Variants in PCDHA5 observed in about 807,000 individuals in gnomAD.
PCDHA5 encodes protocadherin alpha 5.
A neutral mutation model predicts 61.6 loss-of-function variants in PCDHA5; 43 were observed. That is an observed-to-expected ratio of 0.70 (90% CI 0.55 to 0.90). The LOEUF (loss-of-function observed/expected upper bound fraction) is 0.90. PCDHA5 is among the 40% of genes least tolerant of loss of function. The probability of loss-of-function intolerance (pLI) is 0.00; values close to 1 mark genes in which losing one functional copy is unlikely to be tolerated. For missense variants in PCDHA5, 1,298 were observed against 1,222.7 expected, an observed-to-expected ratio of 1.06 and a Z score of -0.92; for synonymous variants, 627 against 543.9, an observed-to-expected ratio of 1.15 and a Z score of -2.13.
At chr5:140,878,693 C>A (rs932928385) in intron 1 of PCDHA5, among the ~76,000 whole-genome samples, 6 of 152,254 alleles carry the variant, frequency 3.9e-5, no homozygotes, top group South Asian at 2.1e-4. Flanking sequence ...TCTTACATAC[C>A]CCAGCCTGGT....
intron 1 of PCDHA5, chr5:140,881,341 G>C (rs1422783424): frequency 1.5e-5 from 15 of 984,968 alleles, no homozygotes; most frequent in Non-Finnish European, 1.7e-5. Flanking sequence ...ACGCCGATTC[G>C]GGCTACAATG....
intron 3 of PCDHA5, among the ~76,000 whole-genome samples, chr5:140,997,797 C>T (rs2097786104): frequency 6.6e-6 from 1 of 151,944 alleles, no homozygotes; most frequent in Non-Finnish European, 1.5e-5. Context: ...TATAATTTAT[C>T]CAATTTGCTG....
chr5:140,975,752 A>G (rs577986836), intron 1 of PCDHA5, among the ~76,000 whole-genome samples: 2 of 152,320 alleles, frequency 1.3e-5, no homozygotes, highest in East Asian at 1.9e-4. Flanking sequence ...CAAATATTCT[A>G]TGTCATAAAT....
chr5:141,002,120 T>C (rs1416494483), intron 3 of PCDHA5, among the ~76,000 whole-genome samples: 1 of 152,250 alleles, frequency 6.6e-6, no homozygotes, highest in African/African-American at 2.4e-5. Context: ...CTATAATCAT[T>C]TAATAGCCTT....
At chr5:140,952,529 G>A (rs1404753711) in intron 1 of PCDHA5, among the ~76,000 whole-genome samples, 1 of 152,084 alleles carries the variant, frequency 6.6e-6, no homozygotes, top group East Asian at 1.9e-4. Context: ...GACCTCCTCA[G>A]ACTGGACTTC....
At position 140,982,508 on chromosome 5, in the gene PCDHA5, G is replaced by A. The variant is rs1586930589; in HGVS notation, c.2445G>A (p.Arg815=). The change falls in exon 3 of 4, where the codon CGG becomes CGA. Residue 815 remains arginine, a synonymous_variant. Transcript: ENST00000529859. The part of the protein sequence containing the change: ...SVHLEEAGIL[R]AGPGGPDQQW... The stretch of plus-strand genomic sequence containing the variant: ...ACCTAGAGGAGGCTGGCATTCTACG[G>A]GCTGGTCCAGGAGGGCCTGATCAGC... The A allele has an allele frequency of 6.2e-7, 1 of 1,614,154 alleles. No individual in the cohort carries two copies. Among genetic ancestry groups the A allele is most frequent in the Non-Finnish European group, 8.5e-7 (1 of 1,180,018 alleles).
chr5:140,828,853 T>C (rs2150159724), intron 1 of PCDHA5: 921 of 1,613,698 alleles, frequency 5.7e-4, no homozygotes, highest in South Asian at 4.0e-3. Flanking sequence ...TATTCGAAAA[T>C]GCAGACAACG....
intron 3 of PCDHA5, among the ~76,000 whole-genome samples, chr5:141,005,795 C>G (rs2098239997): frequency 8.0e-6 from 1 of 124,778 alleles, no homozygotes; most frequent in Admixed American, 8.1e-5. Context: ...GAGGCAAAAA[C>G]AACTCCAAGG....
rs183786609 is a variant in PCDHA5, at chr5:140,896,576, C to T, written c.2352+72449C>T. ...ATTTTAAGTAGAGATGGGGTTTTGA[C>T]GTGTTGGCCAGGCTGGTCTCGAACT... On this transcript the variant is annotated intron_variant, in intron 1 of 3. Transcript: ENST00000529859. Among the ~76,000 whole-genome samples the T allele has an allele frequency of 3.4e-4, 51 of 151,254 alleles. No individual in the cohort carries two copies. The East Asian group carries it at 4.9e-3, about 14-fold the overall frequency.
intron 1 of PCDHA5, chr5:140,865,257 T>G (rs1250591902): frequency 6.6e-6 from 1 of 152,240 alleles, no homozygotes; most frequent in Non-Finnish European, 1.5e-5. Flanking sequence ...TGTAAGGATG[T>G]GTATCAAATT....
chr5:140,876,554 A>G (rs2056417075), intron 1 of PCDHA5: 1 of 1,614,052 alleles, frequency 6.2e-7, no homozygotes, highest in South Asian at 1.1e-5. Flanking sequence ...CCTGTGCAAG[A>G]GGATGCTCAG....
At position 140,823,642 on chromosome 5, in the gene PCDHA5, G is replaced by C. The variant is rs2150127813; in HGVS notation, c.1867G>C (p.Val623Leu). The change falls in exon 1 of 4, where the codon GTG becomes CTG. Residue 623 changes from valine (V) to leucine (L), a missense_variant. Physicochemically the swap from Val to Leu is conservative, Grantham distance 32. Coordinates refer to ENST00000529859, the MANE Select transcript of PCDHA5 (RefSeq NM_018908.3). ...APGSARIPFRVGLYTGEISTT... is the reference protein window; with the variant it reads ...APGSARIPFRLGLYTGEISTT... ...TGGCAGTGCGCGCATCCCGTTCCGC[G>C]TGGGGCTGTACACAGGCGAGATCAG... is the stretch of plus-strand genomic sequence containing the variant. 1.2e-6 allele frequency: 2 copies of C among 1,614,036 alleles called. No homozygotes were observed. The highest frequency in any genetic ancestry group is 2.2e-5 in the South Asian group (2 of 91,086).
intron 1 of PCDHA5, among the ~76,000 whole-genome samples, chr5:140,908,928 A>G (rs1426452860): frequency 6.6e-6 from 1 of 152,224 alleles, no homozygotes; most frequent in Non-Finnish European, 1.5e-5. Flanking sequence ...GGCCAAATGC[A>G]GCAACTTATC....
rs1390477821 is a variant in PCDHA5, at chr5:140,821,822, T to C, written c.47T>C (p.Leu16Pro). ...AGTCTGGGATCCCGGCTCCTGCTGC[T>C]CTGGCTTCTCCTTGCCTACTGGAAG... The part of the protein sequence containing the change: ...RGSLGSRLLL[L>P]WLLLAYWKAG... Residue 16 changes from leucine (L) to proline (P), a missense_variant, in exon 1 of 4, where the codon CTC becomes CCC. Coordinates refer to ENST00000529859, the MANE Select transcript of PCDHA5 (RefSeq NM_018908.3). 4 of 1,614,106 alleles carry C rather than the reference T, an allele frequency of 2.5e-6. No individual in the cohort carries two copies. The highest frequency in any genetic ancestry group is 3.4e-6 in the Non-Finnish European group (4 of 1,179,990).
At chr5:140,883,927 G>A (rs781895204) in intron 1 of PCDHA5, 2 of 1,613,456 alleles carry the variant, frequency 1.2e-6, no homozygotes, top group South Asian at 1.1e-5. Flanking sequence ...CGCTGCAGGT[G>A]TTCGTGCTGG....
intron 1 of PCDHA5, among the ~76,000 whole-genome samples, chr5:140,832,286 G>A (rs1312628580): frequency 6.6e-6 from 1 of 152,184 alleles, no homozygotes; most frequent in Non-Finnish European, 1.5e-5. Flanking sequence ...AGCATGAATG[G>A]TGTATTTGCC....
At chr5:140,911,589 C>A (rs1583792136) in intron 1 of PCDHA5, among the ~76,000 whole-genome samples, 1 of 152,302 alleles carries the variant, frequency 6.6e-6, no homozygotes, top group Middle Eastern at 3.4e-3. Flanking sequence ...TTAGGAGGAA[C>A]CAACCAACTT....
chr5:140,829,097 G>A, intron 1 of PCDHA5: 7 of 1,611,762 alleles, frequency 4.3e-6, no homozygotes, highest in Non-Finnish European at 5.9e-6. Context: ...TCATTGCACC[G>A]TTTTAGTGAG....
intron 1 of PCDHA5, among the ~76,000 whole-genome samples, chr5:140,899,719 C>A (rs2067514429): frequency 6.6e-6 from 1 of 152,198 alleles, no homozygotes; most frequent in Non-Finnish European, 1.5e-5. Flanking sequence ...AGGATTCCCT[C>A]TTTTTCTATT....
Sources: gnomAD v4.1 joint callset for allele counts (sites outside exome capture counted in the v4.1 genomes callset) on GRCh38, gnomAD v4.1.1 for gene constraint, MANE v1.5 for transcripts, NCBI Gene and HGNC (gene_info 2026-07-23, HGNC 2026-07-21) for gene names.